GOLGB1: variants seen among roughly 807,000 people sequenced by gnomAD.
GOLGB1 encodes golgin B1, also known as golgin subfamily B member 1.
In GOLGB1, 174 loss-of-function variants were observed where a neutral mutation model predicts 336.9. The observed-to-expected ratio is 0.52, with a 90% CI of 0.46 to 0.59. The LOEUF is 0.59. Among genes scored for constraint, GOLGB1 ranks in the 20% least tolerant of loss-of-function variants. GOLGB1 has a pLI of 0.00. For missense variants in GOLGB1, 3,331 were observed against 3,645.3 expected (o/e 0.91, Z 2.22); for synonymous variants, 1,208 against 1,289.2 (o/e 0.94, Z 1.35).
In GOLGB1 at chr3:121,694,833, G is replaced by T; in HGVS notation, c.5690C>A (p.Thr1897Asn). ...GELKMLQEEV[T>N]KMNLLNQQIQ... ...TTGCTGATTTAACAGGTTCATTTTG[G>T]TTACTTCCTCCTGAAGCATTTTTAG... Residue 1897 changes from threonine to asparagine, a missense_variant, in exon 13 of 22, where the codon ACC becomes AAC. Transcript: ENST00000614479. The T allele has an allele frequency of 6.2e-7, 1 of 1,613,688 alleles. No individual in the cohort carries two copies. Among genetic ancestry groups the T allele is most frequent in the South Asian group, 1.1e-5 (1 of 91,058 alleles).
At chr3:121,723,593 C>G (rs1945342767) in intron 5 of GOLGB1, among the ~76,000 whole-genome samples, 1 of 152,102 alleles carries the variant, frequency 6.6e-6, no homozygotes, top group Non-Finnish European at 1.5e-5. Flanking sequence ...AAGTAGTATT[C>G]CAGTGTGTGG....
chr3:121,665,330 A>G (rs1414968081), intron 20 of GOLGB1, among the ~76,000 whole-genome samples: 1 of 152,222 alleles, frequency 6.6e-6, no homozygotes, highest in Non-Finnish European at 1.5e-5. Context: ...TATTATCTTC[A>G]AAGTGCTAAG....
intron 8 of GOLGB1, 116 bp downstream of exon 8, chr3:121,718,271 GA>G: frequency 1.6e-6 from 1 of 644,650 alleles, no homozygotes; most frequent in Middle Eastern, 2.6e-4. Context: ...TTGAAAGAAT[GA>G]ATAAATGGCA....
rs114785613 is a variant in GOLGB1 at position 121,727,034 on chromosome 3, T to C, written c.410A>G (p.Lys137Arg). The C allele has an allele frequency of 7.6e-4, 1,179 of 1,559,960 alleles. 8 individuals carry two copies. The African/African-American group carries it at 0.013, about 18-fold the overall frequency. Reference sequence around the variant, plus strand: ...TTCCATCTCTTCCTCTGTAGAACTCTTGTCATGCTGAAAATGCAGGAGATA... The same window carrying C: ...TTCCATCTCTTCCTCTGTAGAACTCCTGTCATGCTGAAAATGCAGGAGATA... ...QSEEQLSKHD[K>R]SSTEEEMEIE... The change falls in exon 5 of 22, where the codon AAG (lysine) becomes AGG (arginine). Residue 137 changes from lysine (K) to arginine (R), a missense_variant. Physicochemically the swap from Lys to Arg is conservative, Grantham distance 26 (BLOSUM62 2). Transcript: ENST00000614479.
chr3:121,705,195 C>T (rs528896874), intron 10 of GOLGB1, among the ~76,000 whole-genome samples: 2 of 152,230 alleles, frequency 1.3e-5, no homozygotes, highest in Non-Finnish European at 2.9e-5. Flanking sequence ...GAAGATTCTA[C>T]CTTTTAAGTG....
At chr3:121,686,664 TACACACAC>T (rs35557945) in intron 14 of GOLGB1, among the ~76,000 whole-genome samples, 3 of 150,936 alleles carry the variant, frequency 2.0e-5, no homozygotes, top group Non-Finnish European at 4.4e-5. Flanking sequence ...ATTAAACATA[TACACACAC>T]ACACACACAC....
chr3:121,667,665 A>T, intron 19 of GOLGB1, 55 bp from the exon 20 acceptor site: 2 of 1,526,282 alleles, frequency 1.3e-6, no homozygotes, highest in African/African-American at 1.4e-5. Flanking sequence ...ACAGTTGCTA[A>T]TACAAGGGAT....
Position 121,697,390 on chromosome 3 carries a change from C to A in GOLGB1, c.3133G>T (p.Asp1045Tyr), listed in dbSNP as rs1325295063. ...TCTGAGTATTCTTTGTTTTCTTTAT[C>A]TTCTTCCACTTCTCCCCTCTCAGTC... ...SETERGEVEE[D>Y]KENKEYSEKC... Residue 1045 changes from aspartate (D) to tyrosine (Y), a missense_variant, in exon 13 of 22, where the codon GAT becomes TAT. Physicochemically the swap from Asp to Tyr is radical, Grantham distance 160 (BLOSUM62 -3). Coordinates refer to ENST00000614479, the MANE Select transcript of GOLGB1 (RefSeq NM_001366282.2). The A allele has an allele frequency of 6.2e-7, 1 of 1,613,472 alleles. No homozygotes were observed. The highest frequency in any genetic ancestry group is 1.7e-5 in the Admixed American group (1 of 59,996).
chr3:121,681,638 T>C (rs1164837411), intron 15 of GOLGB1, 49 bp downstream of exon 15: 1 of 1,295,620 alleles, frequency 7.7e-7, no homozygotes. Flanking sequence ...TATTTCAAAA[T>C]AAAAAGTTAA....
In GOLGB1 at chr3:121,692,116, T is replaced by C. The variant is rs1480534735; in HGVS notation, c.7248A>G (p.Lys2416=). 6.2e-7 allele frequency: 1 copy of C among 1,613,544 alleles called. No homozygotes were observed. The highest frequency in any genetic ancestry group is 1.7e-5 in the Admixed American group (1 of 59,922). The change falls in exon 14 of 22, where the codon AAA becomes AAG. Residue 2416 remains lysine (K), a synonymous_variant. Transcript: ENST00000614479. ...ELRQQHDKEI[K]ELENLLSQEE... is the part of the protein sequence containing the mutation. ...CCTGGGACAGCAGGTTTTCCAGCTCTTTAATTTCTTTATCATGTTGCTGAC... is the reference window on the plus strand; with the variant it reads ...CCTGGGACAGCAGGTTTTCCAGCTCCTTAATTTCTTTATCATGTTGCTGAC...
At chr3:121,700,269 A>G (rs1039877993) in intron 11 of GOLGB1, among the ~76,000 whole-genome samples, 2 of 152,112 alleles carry the variant, frequency 1.3e-5, no homozygotes, top group African/African-American at 4.8e-5. Context: ...TAGCACTTAC[A>G]ATGTTCTTCA....
chr3:121,677,172 T>C, intron 16 of GOLGB1, 113 bp downstream of exon 16: 2 of 1,226,976 alleles, frequency 1.6e-6, no homozygotes, highest in African/African-American at 1.5e-5. Context: ...ACTTAATTTG[T>C]AGGAAGCTGA....
rs764526502 is a variant in GOLGB1 at position 121,697,099 on chromosome 3, A to C, written c.3424T>G (p.Ser1142Ala). Residue 1142 changes from serine (S) to alanine (A), a missense_variant, in exon 13 of 22, where the codon TCC becomes GCC. Ser to Ala is a moderately conservative substitution (Grantham distance 99, BLOSUM62 1). Coordinates refer to ENST00000614479, the MANE Select transcript of GOLGB1 (RefSeq NM_001366282.2). ...ACTGTTTCCTTTACAAGTGCTACGG[A>C]GTCCCCATCACTTGCATCCGTGTTA... ...TSNTDASDGD[S>A]VALVKETVVI... 6.2e-6 allele frequency: 10 copies of C among 1,613,978 alleles called. No homozygotes were observed. The highest frequency in any genetic ancestry group is 6.8e-6 in the Non-Finnish European group (8 of 1,179,980).
chr3:121,699,957 G>A, intron 11 of GOLGB1, 72 bp from the exon 12 acceptor site: 1 of 849,942 alleles, frequency 1.2e-6, no homozygotes, highest in South Asian at 1.6e-5. Flanking sequence ...TGCATGTGAA[G>A]CTATTTGAAT....
intron 20 of GOLGB1, among the ~76,000 whole-genome samples, chr3:121,665,536 G>A (rs1448197020): frequency 6.6e-6 from 1 of 151,958 alleles, no homozygotes; most frequent in Non-Finnish European, 1.5e-5. Context: ...ATTTCTGTGG[G>A]GTTTTAAAAA....
rs753312718 is a variant in GOLGB1 at position 121,667,560 on chromosome 3, T to C, written c.9470A>G (p.Glu3157Gly). The change falls in exon 20 of 22, where the codon GAA (glutamate) becomes GGA (glycine). Residue 3157 changes from glutamate to glycine, a missense_variant. Physicochemically the swap from Glu to Gly is moderately conservative, Grantham distance 98. Transcript: ENST00000614479. The part of the protein sequence containing the change: ...QLCNTRQEVN[E>G]LRKLLEEERD... ...TTCTTCTTCCAGCAGCTTCCTTAAT[T>C]CATTCACTTCCTGTCTGGTGTTGCA... is the stretch of plus-strand genomic sequence containing the variant. 6.2e-7 allele frequency: 1 copy of C among 1,614,006 alleles called. No homozygotes were observed. Among genetic ancestry groups the C allele is most frequent in the South Asian group, 1.1e-5 (1 of 91,074 alleles).
Position 121,664,269 on chromosome 3 carries a change from G to C in GOLGB1, c.*211C>G, listed in dbSNP as rs1938275399. The C allele has an allele frequency of 1.5e-5, 9 of 583,362 alleles. No individual in the cohort carries two copies. In the South Asian group the frequency reaches 2.0e-4, roughly 13 times the overall value. The allele number at this position is 583,362 out of a possible 1,614,324, so 36.1% of individuals were successfully genotyped here. On this transcript the variant is annotated 3_prime_UTR_variant, in exon 22 of 22. Coordinates refer to ENST00000614479, the MANE Select transcript of GOLGB1 (RefSeq NM_001366282.2). ...TTCTCAGATTAAGCAGAAGCGTTCA[G>C]GCTCAGGGCAGTAGAAGAAAGCAGA...
At position 121,696,287 on chromosome 3, in the gene GOLGB1, GTCT is replaced by G. The variant is rs769929559; in HGVS notation, c.4233_4235del (p.Glu1411del). The G allele has an allele frequency of 2.5e-5, 41 of 1,613,964 alleles. No individual in the cohort carries two copies. In the African/African-American group the frequency reaches 4.7e-4, roughly 18 times the overall value. ...TAAGTTGTCCAGAAAGGTAGCTAAC[GTCT>G]TCTTCCTTTTTGCTTATGAGTTTTT... On this transcript the variant is annotated inframe_deletion, in exon 13 of 22. Transcript: ENST00000614479.
rs142769092 is a variant in GOLGB1 at position 121,664,954 on chromosome 3, A to G, written c.9632T>C (p.Ile3211Thr). The G allele has an allele frequency of 6.2e-6, 10 of 1,606,292 alleles. No homozygotes were observed. The Admixed American group carries it at 1.3e-4, about 21-fold the overall frequency. Residue 3211 changes from isoleucine to threonine, a missense_variant, in exon 21 of 22, where the codon ATA (isoleucine) becomes ACA (threonine). Physicochemically the swap from Ile to Thr is moderately conservative, Grantham distance 89. Transcript: ENST00000614479. ...SCGTQEQALL[I>T]DLTSNSCRRT... Reference sequence around the variant, plus strand: ...TCGACAACTGTTGCTTGTAAGATCTATTAACAGTGCCTGCTCCTGAGTGCC... The same window carrying G: ...TCGACAACTGTTGCTTGTAAGATCTGTTAACAGTGCCTGCTCCTGAGTGCC...
Sources: allele counts gnomAD v4.1 joint callset (sites outside exome capture counted in the v4.1 genomes callset), GRCh38; gene constraint gnomAD v4.1.1; transcripts MANE v1.5; gene names NCBI Gene and HGNC (gene_info 2026-07-23, HGNC 2026-07-21).